The following PPP1R7 variants were observed in gnomAD, a reference collection of about 807,000 sequenced individuals.
PPP1R7 encodes the protein protein phosphatase 1 regulatory subunit 22.
PPP1R7 carries 18 observed loss-of-function variants against 45.2 expected under a neutral mutation model. The ratio of observed to expected loss-of-function variants is 0.40; its 90% CI spans 0.28 to 0.59. The LOEUF (loss-of-function observed/expected upper bound fraction) is 0.59, where lower values mean the gene tolerates loss of function less well. PPP1R7 is among the 20% of genes least tolerant of loss of function. The pLI, the probability that PPP1R7 is intolerant of heterozygous loss-of-function variation, is 0.46. For synonymous variants in PPP1R7, 181 were observed against 183.4 expected (o/e 0.99, Z 0.11); for missense variants, 314 against 455.8 (o/e 0.69, Z 2.83).
At chr2:241,157,030 A>G (rs1484768611) in intron 2 of PPP1R7, among the ~76,000 whole-genome samples, 1 of 152,082 alleles carries the variant, frequency 6.6e-6, no homozygotes, top group African/African-American at 2.4e-5. Flanking sequence ...GTAGGTTCCA[A>G]TGAAATGAAA....
chr2:241,166,264 C>T (rs2067707106), intron 7 of PPP1R7, 73 bp from the exon 8 acceptor site: 2 of 1,259,034 alleles, frequency 1.6e-6, no homozygotes, highest in Non-Finnish European at 2.3e-6. Context: ...AACACAAAAC[C>T]TCGTTTCCTA....
At chr2:241,152,383 C>T (rs967742731) in intron 1 of PPP1R7, among the ~76,000 whole-genome samples, 27 of 152,176 alleles carry the variant, frequency 1.8e-4, no homozygotes, top group Non-Finnish European at 2.9e-5. Flanking sequence ...GACTCTCTGG[C>T]AGGGGAGAAT....
At position 241,182,985 on chromosome 2, in the gene PPP1R7, A is replaced by G. The variant is rs779135040; in HGVS notation, c.*162A>G. 46 of 698,736 alleles carry G rather than the reference A, an allele frequency of 6.6e-5. No individual in the cohort carries two copies. The highest frequency in any genetic ancestry group is 4.0e-4 in the Middle Eastern group (1 of 2,494). The allele number at this position is 698,736 out of a possible 1,614,324, so 43.3% of individuals were successfully genotyped here. On this transcript the variant is annotated 3_prime_UTR_variant, in exon 10 of 10. Coordinates refer to ENST00000234038, the MANE Select transcript of PPP1R7 (RefSeq NM_002712.3). The stretch of plus-strand genomic sequence containing the variant: ...GCTGGCGCGCGCGACGTCACACACC[A>G]TTTTCAGATGCCGTTGCAATTAAAT...
At chr2:241,169,603 G>A (rs1273327633) in intron 8 of PPP1R7, among the ~76,000 whole-genome samples, 178 bp from the exon 9 acceptor site, 4 of 152,052 alleles carry the variant, frequency 2.6e-5, no homozygotes, top group Non-Finnish European at 4.4e-5. Context: ...ACTGTCCCAG[G>A]GAGGGCTGCA....
chr2:241,150,143 C>T, upstream of PPP1R7: 4 of 1,272,284 alleles, frequency 3.1e-6, no homozygotes, highest in Non-Finnish European at 4.0e-6. Context: ...GAGACAGTGA[C>T]ATAAGTCAAC....
In PPP1R7 at chr2:241,182,797, A is replaced by G; in HGVS notation, c.1057A>G (p.Ile353Val). 6.2e-7 allele frequency: 1 copy of G among 1,613,410 alleles called. No individual in the cohort carries two copies. Among genetic ancestry groups the G allele is most frequent in the African/African-American group, 1.3e-5 (1 of 75,010 alleles). Residue 353 changes from isoleucine to valine, a missense_variant, in exon 10 of 10, where the codon ATC (isoleucine) becomes GTC (valine). Physicochemically the swap from Ile to Val is conservative, Grantham distance 29 (BLOSUM62 3). Transcript: ENST00000234038. ...VMLALPSVRQ[I>V]DATFVRF ...GCTCGCCCTCCCCTCCGTGCGGCAGATCGATGCCACGTTCGTCAGGTTCTG... is the reference window on the plus strand; with the variant it reads ...GCTCGCCCTCCCCTCCGTGCGGCAGGTCGATGCCACGTTCGTCAGGTTCTG...
intron 6 of PPP1R7, among the ~76,000 whole-genome samples, chr2:241,161,467 T>TA (rs1431536062): frequency 5.9e-5 from 9 of 152,250 alleles, no homozygotes; most frequent in African/African-American, 2.2e-4. Context: ...CTGATGTACA[T>TA]ACCGGGGGCT....
At chr2:241,159,181 CTG>C in intron 4 of PPP1R7, 30 bp from the exon 5 acceptor site, 2 of 1,609,846 alleles carry the variant, frequency 1.2e-6, no homozygotes, top group Non-Finnish European at 1.7e-6. Context: ...TCCCCCTTGC[CTG>C]TGTCAATTGT....
At chr2:241,159,396 G>C (rs1267331170) in intron 5 of PPP1R7, 53 bp downstream of exon 5, 4 of 1,597,318 alleles carry the variant, frequency 2.5e-6, no homozygotes, top group Non-Finnish European at 3.4e-6. Flanking sequence ...CACTGGGTGG[G>C]GGGTGTCCAG....
intron 8 of PPP1R7, chr2:241,167,322 A>C (rs1414498221): frequency 1.7e-5 from 7 of 408,796 alleles, no homozygotes; most frequent in African/African-American, 1.2e-4. Context: ...CACCTGCATA[A>C]AATTTTGGAA....
At chr2:241,155,671 A>G (rs903656830) in intron 2 of PPP1R7, among the ~76,000 whole-genome samples, 3 of 152,186 alleles carry the variant, frequency 2.0e-5, no homozygotes, top group African/African-American at 7.2e-5. Flanking sequence ...ATTACAAACA[A>G]GACCCCTTAA....
At chr2:241,172,778 C>T (rs1176912998) in intron 9 of PPP1R7, among the ~76,000 whole-genome samples, 3 of 151,974 alleles carry the variant, frequency 2.0e-5, no homozygotes, top group South Asian at 2.1e-4. Context: ...ATTGTTTTGT[C>T]GTGCATTCTG....
intron 8 of PPP1R7, among the ~76,000 whole-genome samples, chr2:241,169,262 C>T (rs1239958709): frequency 6.6e-6 from 1 of 152,190 alleles, no homozygotes; most frequent in East Asian, 1.9e-4. Context: ...TCTGAGAGTC[C>T]TGCCTCTCCC....
At chr2:241,150,215 G>A (rs182116419), upstream of PPP1R7, 12 of 1,274,352 alleles carry the variant, frequency 9.4e-6, no homozygotes, top group Admixed American at 4.8e-4. Flanking sequence ...CTGCAGCTAC[G>A]GCTCTGTGCG....
chr2:241,177,284 G>A (rs1409613671), intron 9 of PPP1R7, among the ~76,000 whole-genome samples: 7 of 152,068 alleles, frequency 4.6e-5, no homozygotes, highest in Admixed American at 4.6e-4. Context: ...GGATGTGGTG[G>A]CACGCGCCTG....
intron 2 of PPP1R7, 142 bp downstream of exon 2, chr2:241,153,746 C>A: frequency 1.9e-6 from 2 of 1,044,958 alleles, no homozygotes; most frequent in Non-Finnish European, 2.7e-6. Context: ...TGGCCCAGGG[C>A]AGGTGGATAT....
chr2:241,161,540 G>C (rs2067591228), intron 6 of PPP1R7, among the ~76,000 whole-genome samples: 1 of 152,192 alleles, frequency 6.6e-6, no homozygotes, highest in South Asian at 2.1e-4. Flanking sequence ...CTTCCTCCCT[G>C]GACAGCTTTA....
intron 2 of PPP1R7, among the ~76,000 whole-genome samples, chr2:241,153,957 G>A (rs1371112892): frequency 1.3e-5 from 2 of 152,036 alleles, no homozygotes; most frequent in African/African-American, 2.4e-5. Context: ...CAAGGCGGGT[G>A]GATCACGAGG....
At chr2:241,150,330 C>T, upstream of PPP1R7, 1 of 1,324,530 alleles carries the variant, frequency 7.5e-7, no homozygotes, top group South Asian at 2.2e-5. Context: ...GGCGCGCGGC[C>T]TCATGACGGA....
Sources: gnomAD v4.1 joint callset for allele counts (sites outside exome capture counted in the v4.1 genomes callset) on GRCh38, gnomAD v4.1.1 for gene constraint, MANE v1.5 for transcripts, NCBI Gene and HGNC (gene_info 2026-07-23, HGNC 2026-07-21) for gene names.